Variants in MIGA1 observed in about 807,000 individuals in gnomAD.
MIGA1 encodes the protein mitoguardin 1.
A neutral mutation model predicts 82.0 loss-of-function variants in MIGA1; 58 were observed. The ratio of observed to expected loss-of-function variants is 0.71; its 90% CI spans 0.57 to 0.88. MIGA1 has a LOEUF of 0.88. Ranked by LOEUF, MIGA1 falls within the 40% of genes least tolerant of loss-of-function variation. MIGA1 has a pLI of 0.00. For missense variants in MIGA1, 751 were observed against 749.1 expected (o/e 1.00, Z -0.03); for synonymous variants, 249 against 253.6 (o/e 0.98, Z 0.17).
intron 8 of MIGA1, among the ~76,000 whole-genome samples, chr1:77,851,469 A>T (rs1557928329): frequency 6.6e-6 from 1 of 152,076 alleles, no homozygotes; most frequent in East Asian, 1.9e-4. Context: ...TTAAATGTTA[A>T]TTTTTTTCTA....
At chr1:77,796,375 C>G (rs894878087) in intron 2 of MIGA1, among the ~76,000 whole-genome samples, 20 of 151,970 alleles carry the variant, frequency 1.3e-4, no homozygotes, top group African/African-American at 4.6e-4. Context: ...GCCTTGGCCT[C>G]CCAAAGTACT....
chr1:77,830,072 G>T (rs1281500275), intron 7 of MIGA1, among the ~76,000 whole-genome samples: 2 of 152,032 alleles, frequency 1.3e-5, no homozygotes, highest in Non-Finnish European at 2.9e-5. Context: ...TTTGAGACTT[G>T]TCATGACTAT....
chr1:77,789,201 CTTTTTTTTTTTT>C (rs148055304), intron 2 of MIGA1, among the ~76,000 whole-genome samples: 1 of 108,858 alleles, frequency 9.2e-6, no homozygotes, highest in African/African-American at 3.5e-5. Flanking sequence ...GGGGCGGTTG[CTTTTTTTTTTTT>C]TTTTTTTTCT....
At position 77,834,095 on chromosome 1, in the gene MIGA1, C is replaced by T. The variant is rs181946715; in HGVS notation, c.896-9212C>T. Among the ~76,000 whole-genome samples, 6 of 152,302 alleles carry T rather than the reference C, an allele frequency of 3.9e-5. No individual in the cohort carries two copies. In the East Asian group the frequency reaches 9.6e-4, roughly 24 times the overall value. On this transcript the variant is annotated intron_variant, in intron 7 of 15. Coordinates refer to ENST00000370791, the MANE Select transcript of MIGA1 (RefSeq NM_198549.4). The stretch of plus-strand genomic sequence containing the variant: ...TATTTCACATGGGTGAAACTTTATA[C>T]GTCATCACAAATCAAGAACTTTGAC...
intron 5 of MIGA1, among the ~76,000 whole-genome samples, chr1:77,807,950 T>G (rs1683167223): frequency 6.6e-6 from 1 of 151,964 alleles, no homozygotes; most frequent in Non-Finnish European, 1.5e-5. Context: ...TCCCAAGTAG[T>G]TGGGCTTACA....
intron 6 of MIGA1, among the ~76,000 whole-genome samples, chr1:77,814,535 T>C (rs1220856620): frequency 1.3e-5 from 2 of 152,210 alleles, no homozygotes; most frequent in Non-Finnish European, 2.9e-5. Flanking sequence ...CAGCTGGGAC[T>C]GCAGGCACAT....
At chr1:77,854,954 C>T (rs111405340) in intron 8 of MIGA1, among the ~76,000 whole-genome samples, 14,263 of 152,228 alleles carry the variant, frequency 0.094, 1,106 homozygotes, top group African/African-American at 0.21. Context: ...GGTTCTTAGT[C>T]ATGAAATCCT....
chr1:77,783,393 T>G, intron 2 of MIGA1, 42 bp downstream of exon 2: 3 of 1,134,848 alleles, frequency 2.6e-6, no homozygotes, highest in Non-Finnish European at 3.9e-6. Context: ...ATTAAGCTTA[T>G]TGCTCAGAGC....
intron 7 of MIGA1, among the ~76,000 whole-genome samples, chr1:77,827,413 G>A (rs540990150): frequency 1.8e-4 from 27 of 152,122 alleles, no homozygotes; most frequent in Non-Finnish European, 2.8e-4. Context: ...AATCGAGGCC[G>A]CAGTGAGCTA....
chr1:77,783,404 A>G (rs1570911106), intron 2 of MIGA1, 53 bp downstream of exon 2: 4 of 1,052,970 alleles, frequency 3.8e-6, no homozygotes, highest in Non-Finnish European at 5.6e-6. Context: ...TGCTCAGAGC[A>G]TATTTTGTTT....
At chr1:77,863,263 G>A (rs1325134702) in intron 12 of MIGA1, among the ~76,000 whole-genome samples, 1 of 151,980 alleles carries the variant, frequency 6.6e-6, no homozygotes, top group African/African-American at 2.4e-5. Context: ...TCTTTTCTCT[G>A]GGCTACATCA....
intron 7 of MIGA1, among the ~76,000 whole-genome samples, chr1:77,832,641 TG>T (rs1025376665): frequency 4.0e-5 from 6 of 151,888 alleles, no homozygotes; most frequent in African/African-American, 1.5e-4. Context: ...AGGTGCAGAG[TG>T]GAGCCTGTTT....
At chr1:77,847,594 A>C in intron 8 of MIGA1, 1 of 1,534,906 alleles carries the variant, frequency 6.5e-7, no homozygotes, top group Non-Finnish European at 9.0e-7. Context: ...AAAAAACTGC[A>C]AGAGAGAGCT....
intron 14 of MIGA1, among the ~76,000 whole-genome samples, chr1:77,870,249 G>T (rs1685901957): frequency 7.6e-6 from 1 of 131,372 alleles, no homozygotes; most frequent in Non-Finnish European, 1.7e-5. Flanking sequence ...CTCCCGGTCG[G>T]GGTGGCTGCC....
At chr1:77,824,444 G>C (rs766691760) in intron 7 of MIGA1, among the ~76,000 whole-genome samples, 93 of 152,074 alleles carry the variant, frequency 6.1e-4, no homozygotes, top group Non-Finnish European at 1.1e-3. Context: ...TGTAGTTCTA[G>C]CTAGTCAGGA....
intron 14 of MIGA1, among the ~76,000 whole-genome samples, chr1:77,869,738 A>ACC (rs71075770): frequency 5.3e-4 from 15 of 28,540 alleles, no homozygotes; most frequent in African/African-American, 2.1e-3. Flanking sequence ...CGGCTGGCCG[A>ACC]CCCCCCCCCC....
chr1:77,782,372 T>C (rs960502865), intron 1 of MIGA1, among the ~76,000 whole-genome samples: 5 of 152,200 alleles, frequency 3.3e-5, no homozygotes, highest in East Asian at 1.9e-4. Flanking sequence ...TTTTGACTTA[T>C]TAGTTCAGCT....
chr1:77,809,904 T>C (rs944744342), intron 5 of MIGA1, among the ~76,000 whole-genome samples: 21 of 150,222 alleles, frequency 1.4e-4, no homozygotes, highest in Non-Finnish European at 2.8e-4. Context: ...TCTACCTATA[T>C]AAAAAAAATA....
At chr1:77,805,738 G>T (rs1683075019) in intron 4 of MIGA1, among the ~76,000 whole-genome samples, 1 of 151,742 alleles carries the variant, frequency 6.6e-6, no homozygotes. Flanking sequence ...GGCTTGGCTG[G>T]TCTCGAACTC....
Sources: gnomAD v4.1 joint callset for allele counts (sites outside exome capture counted in the v4.1 genomes callset) on GRCh38, gnomAD v4.1.1 for gene constraint, MANE v1.5 for transcripts, NCBI Gene and HGNC (gene_info 2026-07-23, HGNC 2026-07-21) for gene names.